The following CLVS1 variants were observed in gnomAD, a reference collection of about 807,000 sequenced individuals.
The protein encoded by CLVS1 is clavesin-1.
Under a neutral mutation model 33.1 loss-of-function variants are expected in CLVS1, and 10 were observed. That is an observed-to-expected ratio of 0.30 (90% CI 0.19 to 0.51). CLVS1 has a LOEUF of 0.51. Ranked by LOEUF, CLVS1 falls within the 20% of genes least tolerant of loss-of-function variation. The pLI, the probability that CLVS1 is intolerant of heterozygous loss-of-function variation, is 0.97. For missense variants in CLVS1, 343 were observed against 433.4 expected, an observed-to-expected ratio of 0.79 and a Z score of 1.85; for synonymous variants, 163 against 166.1, an observed-to-expected ratio of 0.98 and a Z score of 0.14.
chr8:61,043,574 C>G, the CLVS1 span, among the ~76,000 whole-genome samples: 2 of 152,198 alleles, frequency 1.3e-5, no homozygotes, highest in African/African-American at 4.8e-5. Flanking sequence ...AGTTATTGAT[C>G]TGGCAAATGC....
At chr8:61,451,905 T>C (rs1042151367) in intron 3 of CLVS1, among the ~76,000 whole-genome samples, 19 of 152,082 alleles carry the variant, frequency 1.2e-4, no homozygotes, top group Non-Finnish European at 2.8e-4. Context: ...GCACATTGCC[T>C]TTATCAGACA....
chr8:61,217,333 T>A (rs1585697069), intron 2 of CLVS1, among the ~76,000 whole-genome samples: 1 of 152,292 alleles, frequency 6.6e-6, no homozygotes, highest in East Asian at 1.9e-4. Flanking sequence ...AGATTGTGAC[T>A]TTTTATTTAA....
chr8:60,971,661 G>T, the CLVS1 span, among the ~76,000 whole-genome samples: 1 of 152,120 alleles, frequency 6.6e-6, no homozygotes, highest in Non-Finnish European at 1.5e-5. Context: ...GAGCCTCTCA[G>T]CAGGGTGGCT....
rs1018645839 is a variant in CLVS1, at chr8:61,231,306, A to ACACACACACACACT, written c.-151-68370_-151-68369insACACACACACACTC. Among the ~76,000 whole-genome samples, 109 of 151,226 alleles carry ACACACACACACACT rather than the reference A, an allele frequency of 7.2e-4. 2 individuals carry two copies. The highest frequency in any genetic ancestry group is 2.4e-3 in the African/African-American group (98 of 41,100). On this transcript the variant is annotated intron_variant, in intron 2 of 2. Coordinates refer to the CLVS1 transcript ENST00000522621. Reference sequence around the variant, plus strand: ...TGCTTGCACACACACACACACACACACTCTAATATTAGGAAACATCTCTTA... The same window carrying ACACACACACACACT: ...TGCTTGCACACACACACACACACACACACACACACACACTCTCTAATATTAGGAAACATCTCTTA...
At chr8:61,377,915 G>T (rs1039738207) in intron 3 of CLVS1, 3 of 126,212 alleles carry the variant, frequency 2.4e-5, no homozygotes, top group South Asian at 5.0e-4. Context: ...GGGGACATTT[G>T]TAAAATTGCT....
At position 61,454,178 on chromosome 8, in the gene CLVS1, T is replaced by C. The variant is rs1817067450; in HGVS notation, c.668T>C (p.Val223Ala). ...GCCCGCTTTGGAGGAGTCCACTTTG[T>C]CAACCAGCCCTGGTACATTCATGCC... Reference protein sequence around the residue: ...FPARFGGVHFVNQPWYIHALY... With the variant: ...FPARFGGVHFANQPWYIHALY... Residue 223 changes from valine to alanine, a missense_variant, in exon 4 of 6, where the codon GTC becomes GCC. By Grantham distance (64) the Val-to-Ala change is moderately conservative. This residue lies in a region of CLVS1 where 166 missense variants were observed against 244.0 expected (regional missense o/e 0.68). Coordinates refer to ENST00000325897, the MANE Select transcript of CLVS1 (RefSeq NM_173519.3). 1 of 1,614,008 alleles carries C rather than the reference T, an allele frequency of 6.2e-7. No homozygotes were observed.
chr8:60,969,888 G>A, the CLVS1 span, among the ~76,000 whole-genome samples: 3 of 152,244 alleles, frequency 2.0e-5, no homozygotes, highest in East Asian at 5.8e-4. Flanking sequence ...ATCTAGAGAT[G>A]ATTTAAAATA....
At chr8:61,042,330 C>T in the CLVS1 span, among the ~76,000 whole-genome samples, 1 of 152,182 alleles carries the variant, frequency 6.6e-6, no homozygotes, top group Non-Finnish European at 1.5e-5. Flanking sequence ...CCACAATATT[C>T]TCTATCTTCA....
intron 2 of CLVS1, among the ~76,000 whole-genome samples, chr8:61,157,305 C>T (rs1806670098): frequency 6.6e-6 from 1 of 152,156 alleles, no homozygotes; most frequent in South Asian, 2.1e-4. Flanking sequence ...AGGAAAATCT[C>T]TTCAACTAAT....
intron 2 of CLVS1, among the ~76,000 whole-genome samples, chr8:61,338,308 G>T (rs562504085): frequency 6.6e-6 from 1 of 152,194 alleles, no homozygotes; most frequent in Admixed American, 6.5e-5. Context: ...CATTTGCCAC[G>T]CATTTACCAT....
At chr8:61,055,956 T>A (rs1203049869), upstream of CLVS1, among the ~76,000 whole-genome samples, 1 of 152,242 alleles carries the variant, frequency 6.6e-6, no homozygotes, top group African/African-American at 2.4e-5. Context: ...CCCAGCACAG[T>A]TCCAGGAGTC....
At chr8:61,298,450 A>G (rs75398479) in intron 1 of CLVS1, among the ~76,000 whole-genome samples, 1 of 151,938 alleles carries the variant, frequency 6.6e-6, no homozygotes, top group Non-Finnish European at 1.5e-5. Context: ...ACTTTTTTTT[A>G]TCTCCTCCGT....
the CLVS1 span, among the ~76,000 whole-genome samples, chr8:61,014,381 G>A: frequency 6.6e-6 from 1 of 152,156 alleles, no homozygotes; most frequent in Non-Finnish European, 1.5e-5. Context: ...TTGATGGGTG[G>A]TGACTCATAC....
chr8:61,259,329 A>G (rs1042024873), intron 2 of CLVS1, among the ~76,000 whole-genome samples: 3 of 152,140 alleles, frequency 2.0e-5, no homozygotes, highest in African/African-American at 7.2e-5. Flanking sequence ...CAATTATTGC[A>G]CCATGGTACA....
At chr8:61,325,500 TTG>T (rs1057463749) in intron 2 of CLVS1, among the ~76,000 whole-genome samples, 1 of 152,184 alleles carries the variant, frequency 6.6e-6, no homozygotes, top group Non-Finnish European at 1.5e-5. Flanking sequence ...CTTAAAAACA[TTG>T]TGAGTTTCCT....
intron 1 of CLVS1, among the ~76,000 whole-genome samples, chr8:61,294,685 T>C (rs537025335): frequency 1.3e-5 from 2 of 152,312 alleles, no homozygotes; most frequent in South Asian, 2.1e-4. Flanking sequence ...CACATACATA[T>C]ACATATTTTT....
At chr8:61,440,168 G>A (rs1305533772) in intron 3 of CLVS1, among the ~76,000 whole-genome samples, 1 of 152,148 alleles carries the variant, frequency 6.6e-6, no homozygotes, top group African/African-American at 2.4e-5. Flanking sequence ...GTATATTGCT[G>A]CACCTCCTGC....
intron 2 of CLVS1, among the ~76,000 whole-genome samples, chr8:61,281,181 T>C (rs945797862): frequency 6.6e-6 from 1 of 152,240 alleles, no homozygotes; most frequent in African/African-American, 2.4e-5. Context: ...ATGAGATATA[T>C]TGAAAGTCTT....
chr8:61,112,128 C>T (rs1407141822), intron 1 of CLVS1, among the ~76,000 whole-genome samples: 1 of 151,668 alleles, frequency 6.6e-6, no homozygotes, highest in African/African-American at 2.4e-5. Flanking sequence ...GCATGATCTG[C>T]ATTCCCACCA....
Sources: gnomAD v4.1 joint callset for allele counts (sites outside exome capture counted in the v4.1 genomes callset) on GRCh38, gnomAD v4.1.1 for gene constraint, gnomAD v4.1.1 regional missense constraint, MANE v1.5 for transcripts, NCBI Gene and HGNC (gene_info 2026-07-23, HGNC 2026-07-21) for gene names.